Variants in ABI2 observed in about 807,000 individuals in gnomAD.
ABI2 encodes the protein abelson interactor 2.
In ABI2, 25 loss-of-function variants were observed where a neutral mutation model predicts 59.2. The observed-to-expected ratio is 0.42, with a 90% CI of 0.31 to 0.59. ABI2 has a LOEUF of 0.59. Among genes scored for constraint, ABI2 ranks in the 20% least tolerant of loss-of-function variants. The probability of loss-of-function intolerance (pLI) is 0.14; values close to 1 mark genes in which losing one functional copy is unlikely to be tolerated. For synonymous variants in ABI2, 213 were observed against 235.5 expected (o/e 0.90, Z 0.87); for missense variants, 545 against 681.8 (o/e 0.80, Z 2.23).
At chr2:203,426,803 A>G (rs1239004775) in intron 11 of ABI2, among the ~76,000 whole-genome samples, 2 of 146,874 alleles carry the variant, frequency 1.4e-5, no homozygotes, top group African/African-American at 2.6e-5. Flanking sequence ...AAAAAAAAAA[A>G]ACCACAATAT....
At chr2:203,413,960 GCTCA>G (rs1386377020) in intron 10 of ABI2, among the ~76,000 whole-genome samples, 2 of 152,102 alleles carry the variant, frequency 1.3e-5, no homozygotes, top group Non-Finnish European at 2.9e-5. Context: ...TCTTTCTGTG[GCTCA>G]CCATGGCTCT....
chr2:203,414,455 C>T lies in ABI2; in HGVS notation c.1280-2453C>T, dbSNP rs553640336. ...ATATCAATGCCTCTGCCATCCTACC[C>T]TCCCCTCTTCCTCCCCATTAACTCT... is the stretch of plus-strand genomic sequence containing the variant. On this transcript the variant is annotated intron_variant, in intron 10 of 11. Transcript: ENST00000261018. Among the ~76,000 whole-genome samples the T allele has an allele frequency of 5.7e-4, 87 of 152,234 alleles. 2 individuals carry two copies. The highest frequency in any genetic ancestry group is 2.0e-3 in the African/African-American group (83 of 41,556).
chr2:203,358,071 T>TTGTGTGTGTGTGTGTG (rs71007506), intron 1 of ABI2, among the ~76,000 whole-genome samples: 84 of 128,846 alleles, frequency 6.5e-4, no homozygotes, highest in African/African-American at 2.1e-3. Flanking sequence ...CCTGGCCTGT[T>TTGTGTGTGTGTGTGTG]TGTGTGTGTG....
At chr2:203,355,168 CAG>C (rs1222783419) in intron 1 of ABI2, 1 of 403,938 alleles carries the variant, frequency 2.5e-6, no homozygotes, top group Non-Finnish European at 5.2e-6. Context: ...TCCGTTTTGA[CAG>C]TGCATATCCT....
intron 9 of ABI2, among the ~76,000 whole-genome samples, chr2:203,406,196 A>C (rs879663340): frequency 6.6e-6 from 1 of 152,218 alleles, no homozygotes; most frequent in Non-Finnish European, 1.5e-5. Flanking sequence ...CTTGGTGGTC[A>C]AGAAGAATAT....
chr2:203,342,611 ACT>A (rs1169483113), intron 1 of ABI2, among the ~76,000 whole-genome samples: 1 of 150,206 alleles, frequency 6.7e-6, no homozygotes, highest in African/African-American at 2.4e-5. Flanking sequence ...ACAAGGTCTC[ACT>A]CTGTCATCCA....
chr2:203,329,989 G>A (rs1400497887), intron 1 of ABI2, among the ~76,000 whole-genome samples: 1 of 151,950 alleles, frequency 6.6e-6, no homozygotes, highest in Non-Finnish European at 1.5e-5. Context: ...CACCCACCTC[G>A]GCCTCCCAAA....
Position 203,380,387 on chromosome 2 carries a change from A to C in ABI2, c.462+3A>C. The C allele has an allele frequency of 2.0e-6, 3 of 1,517,596 alleles. No individual in the cohort carries two copies. The highest frequency in any genetic ancestry group is 2.6e-6 in the Non-Finnish European group (3 of 1,136,620). 94.0% of individuals were successfully genotyped at this position (1,517,596 alleles called of 1,614,324 possible). A position where few individuals can be genotyped will look rare whatever the true frequency, so the allele number is the denominator to read the frequency against. On this transcript the variant is annotated splice_donor_region_variant and intron_variant, in intron 3 of 11. Transcript: ENST00000261018. ...ATGATATTGGACATGGAGTAAAGGT[A>C]GGTATAATTTTTTTCAAGCTTTTAA...
At chr2:203,400,745 A>G (rs2097186890) in intron 8 of ABI2, among the ~76,000 whole-genome samples, 1 of 152,214 alleles carries the variant, frequency 6.6e-6, no homozygotes, top group South Asian at 2.1e-4. Context: ...CTCCTGTAGA[A>G]CAATTTTAGT....
intron 2 of ABI2, among the ~76,000 whole-genome samples, chr2:203,370,598 T>C (rs1040351467): frequency 6.6e-6 from 1 of 152,224 alleles, no homozygotes; most frequent in African/African-American, 2.4e-5. Flanking sequence ...TAAAATACTT[T>C]TTCCAAATGT....
chr2:203,347,046 A>G (rs1376663183), intron 1 of ABI2, among the ~76,000 whole-genome samples: 1 of 152,236 alleles, frequency 6.6e-6, no homozygotes, highest in East Asian at 1.9e-4. Flanking sequence ...TGAGTTTCAT[A>G]TAATAGAGTT....
chr2:203,336,370 T>C (rs1345129534), intron 1 of ABI2, among the ~76,000 whole-genome samples: 1 of 152,242 alleles, frequency 6.6e-6, no homozygotes, highest in African/African-American at 2.4e-5. Context: ...ATAGGCTGCA[T>C]AGGCCAGTGC....
chr2:203,357,803 C>G (rs1168446123), intron 1 of ABI2, among the ~76,000 whole-genome samples: 1 of 152,160 alleles, frequency 6.6e-6, no homozygotes, highest in African/African-American at 2.4e-5. Context: ...GAGTCTCACT[C>G]TGTTACCCAG....
rs1224101654 is a variant in ABI2, at chr2:203,396,879, C to G, written c.945C>G (p.Ala315=). ...CTGCTACTGTCCCTTCCTCCACTGC[C>G]CCAGACGCTGCTGCTGGGGGTGCCC... The part of the protein sequence containing the change: ...LVPATVPSST[A]PDAAAGGAQT... Residue 315 remains alanine, a synonymous_variant, in exon 8 of 12, where the codon GCC becomes GCG. Transcript: ENST00000261018. 6.5e-7 allele frequency: 1 copy of G among 1,534,568 alleles called. No individual in the cohort carries two copies. Among genetic ancestry groups the G allele is most frequent in the African/African-American group, 1.4e-5 (1 of 72,908 alleles).
chr2:203,395,448 T>TATATATACACAC (rs750379504), intron 6 of ABI2, among the ~76,000 whole-genome samples: 2,270 of 115,278 alleles, frequency 0.02, 31 homozygotes, highest in Non-Finnish European at 0.029. Flanking sequence ...TATATATATA[T>TATATATACACAC]ACACACACAC....
chr2:203,377,337 G>T (rs577648358), intron 2 of ABI2, among the ~76,000 whole-genome samples: 3 of 152,074 alleles, frequency 2.0e-5, no homozygotes, highest in Admixed American at 2.0e-4. Context: ...TTTATAGTAT[G>T]CAGATGTGAA....
intron 2 of ABI2, chr2:203,367,266 C>A: frequency 4.0e-6 from 2 of 503,060 alleles, no homozygotes; most frequent in Non-Finnish European, 5.9e-6. Context: ...TTTATTAAAA[C>A]TCAGTTGTCA....
At chr2:203,358,387 A>G (rs2092738401) in intron 1 of ABI2, among the ~76,000 whole-genome samples, 1 of 152,014 alleles carries the variant, frequency 6.6e-6, no homozygotes, top group Non-Finnish European at 1.5e-5. Flanking sequence ...GCCTCAAGTG[A>G]TTCTTCTGCC....
intron 10 of ABI2, among the ~76,000 whole-genome samples, chr2:203,415,413 C>A (rs902511758): frequency 7.9e-5 from 12 of 151,922 alleles, no homozygotes; most frequent in African/African-American, 2.9e-4. Flanking sequence ...GTCAAGAGAT[C>A]TAGACGATCC....
Sources: allele counts gnomAD v4.1 joint callset (sites outside exome capture counted in the v4.1 genomes callset), GRCh38; gene constraint gnomAD v4.1.1; transcripts MANE v1.5; gene names NCBI Gene and HGNC (gene_info 2026-07-23, HGNC 2026-07-21).